Variants in IQGAP1 observed in about 807,000 individuals in gnomAD.
IQGAP1 encodes IQ motif containing GTPase activating protein 1.
Under a neutral mutation model 215.6 loss-of-function variants are expected in IQGAP1, and 66 were observed. The observed-to-expected ratio is 0.31, with a 90% confidence interval of 0.25 to 0.38. IQGAP1 has a LOEUF of 0.38. IQGAP1 is among the 10% of genes least tolerant of loss of function. IQGAP1 has a pLI of 1.00. For synonymous variants in IQGAP1, 772 were observed against 728.7 expected (o/e 1.06, Z -0.96); for missense variants, 1,712 against 1,997.1 (o/e 0.86, Z 2.72).
rs1399987395 is a variant in IQGAP1, at chr15:90,497,221, T to TC, written c.4752-10dup. The TC allele has an allele frequency of 7.1e-7, 1 of 1,415,562 alleles. No homozygotes were observed. The highest frequency in any genetic ancestry group is 1.7e-5 in the Admixed American group (1 of 57,916). The allele number at this position is 1,415,562 out of a possible 1,614,324, so 87.7% of individuals were successfully genotyped here. Reference sequence around the variant, plus strand: ...TAAAAACCATACCCTTACGATGTTATCTTTCAACAGGTTTAAAAATGTTAT... The same window carrying TC: ...TAAAAACCATACCCTTACGATGTTATCCTTTCAACAGGTTTAAAAATGTTAT... On this transcript the variant is annotated splice_polypyrimidine_tract_variant and intron_variant, in intron 36 of 37. Coordinates refer to ENST00000268182, the MANE Select transcript of IQGAP1 (RefSeq NM_003870.4).
intron 18 of IQGAP1, among the ~76,000 whole-genome samples, chr15:90,471,057 G>A (rs907091160): frequency 4.6e-5 from 7 of 152,004 alleles, no homozygotes; most frequent in African/African-American, 1.7e-4. Flanking sequence ...ACCTCCAGAC[G>A]TTAGCCCTTT....
intron 2 of IQGAP1, among the ~76,000 whole-genome samples, chr15:90,395,321 G>GT (rs1408159134): frequency 6.9e-5 from 10 of 145,568 alleles, no homozygotes; most frequent in South Asian, 4.4e-4. Flanking sequence ...GGTTTTTTTT[G>GT]TTTTTTTGTT....
intron 2 of IQGAP1, among the ~76,000 whole-genome samples, chr15:90,402,211 C>G (rs2601198): frequency 0.19 from 29,164 of 152,152 alleles, 3,487 homozygotes; most frequent in East Asian, 0.45. Flanking sequence ...TTGTTGGACC[C>G]TTCCTAATTG....
In IQGAP1 at chr15:90,477,780, C is replaced by T; in HGVS notation, c.3220C>T (p.Pro1074Ser). The change falls in exon 26 of 38, where the codon CCA (proline) becomes TCA (serine). Residue 1074 changes from proline to serine, a missense_variant. Coordinates refer to ENST00000268182, the MANE Select transcript of IQGAP1 (RefSeq NM_003870.4). ...GQNALRQILA[P>S]VVKEIMDDKS... ...GAATGCCCTGAGACAGATCTTGGCC[C>T]CAGTCGTGAAGGAAATTATGGATGA... 1.2e-6 allele frequency: 2 copies of T among 1,613,694 alleles called. No individual in the cohort carries two copies. Among genetic ancestry groups the T allele is most frequent in the Non-Finnish European group, 1.7e-6 (2 of 1,179,758 alleles).
chr15:90,458,153 C>T (rs891672708), intron 15 of IQGAP1, among the ~76,000 whole-genome samples: 1 of 152,224 alleles, frequency 6.6e-6, no homozygotes, highest in Non-Finnish European at 1.5e-5. Context: ...TCGTTTGTGA[C>T]TGGCTTCTTT....
chr15:90,446,741 C>T (rs1965532391), intron 9 of IQGAP1, among the ~76,000 whole-genome samples: 1 of 152,002 alleles, frequency 6.6e-6, no homozygotes, highest in African/African-American at 2.4e-5. Context: ...TTGATGCTGC[C>T]CCAGGAGAAA....
At chr15:90,462,966 T>C (rs897612714) in intron 15 of IQGAP1, among the ~76,000 whole-genome samples, 2 of 152,212 alleles carry the variant, frequency 1.3e-5, no homozygotes, top group African/African-American at 2.4e-5. Flanking sequence ...AGGTAATCTC[T>C]TTAAAACAAA....
chr15:90,488,915 A>G (rs969321113), intron 33 of IQGAP1, among the ~76,000 whole-genome samples: 2 of 152,156 alleles, frequency 1.3e-5, no homozygotes, highest in African/African-American at 2.4e-5. Flanking sequence ...CACAAACTAG[A>G]TGGGAATTTG....
intron 8 of IQGAP1, among the ~76,000 whole-genome samples, chr15:90,442,992 CT>C (rs1444050890): frequency 2.0e-5 from 3 of 151,962 alleles, no homozygotes; most frequent in Non-Finnish European, 4.4e-5. Flanking sequence ...CAGAATCTCG[CT>C]CAGTCACCTA....
chr15:90,435,880 T>C (rs1965364287), intron 5 of IQGAP1, among the ~76,000 whole-genome samples: 1 of 152,102 alleles, frequency 6.6e-6, no homozygotes, highest in Non-Finnish European at 1.5e-5. Flanking sequence ...TCCTGAAGGG[T>C]GGATTGGCAA....
chr15:90,430,846 A>G (rs1233740334), intron 4 of IQGAP1, among the ~76,000 whole-genome samples: 1 of 150,866 alleles, frequency 6.6e-6, no homozygotes, highest in African/African-American at 2.4e-5. Flanking sequence ...TTTGTTCAAT[A>G]TAGAAATATT....
At chr15:90,470,465 C>G (rs1041442182) in intron 18 of IQGAP1, among the ~76,000 whole-genome samples, 1 of 152,168 alleles carries the variant, frequency 6.6e-6, no homozygotes, top group Non-Finnish European at 1.5e-5. Flanking sequence ...TTCTGACAAG[C>G]TTTCAGGTGA....
chr15:90,437,069 A>G lies in IQGAP1; in HGVS notation c.468-2263A>G, dbSNP rs370684040. 3.0e-5 allele frequency among the ~76,000 whole-genome samples: 4 copies of G among 135,234 alleles called. No homozygotes were observed. The East Asian group carries it at 6.3e-4, about 21-fold the overall frequency. 88.7% of individuals were successfully genotyped at this position (135,234 alleles called of 152,430 possible). ...TGGCTTAAGGTTCCACAGCCTGTAC[A>G]AGAAGCATGGCTGGGGAGACCTCCT... On this transcript the variant is annotated intron_variant, in intron 5 of 37. Transcript: ENST00000268182.
intron 37 of IQGAP1, among the ~76,000 whole-genome samples, chr15:90,497,595 G>T (rs1966289299): frequency 6.6e-6 from 1 of 152,212 alleles, no homozygotes; most frequent in Non-Finnish European, 1.5e-5. Flanking sequence ...ACTAAATCGA[G>T]CTGACACCTT....
At chr15:90,473,582 C>G (rs960088879) in intron 19 of IQGAP1, 133 bp from the exon 20 acceptor site, 1 of 644,764 alleles carries the variant, frequency 1.6e-6, no homozygotes, top group African/African-American at 1.8e-5. Flanking sequence ...TCCCCTGTCA[C>G]TGCTGGAAGT....
chr15:90,401,016 G>A (rs1337417111), intron 2 of IQGAP1, among the ~76,000 whole-genome samples: 1 of 152,230 alleles, frequency 6.6e-6, no homozygotes, highest in Non-Finnish European at 1.5e-5. Context: ...GGTAGGCAAA[G>A]TGAGAACATC....
chr15:90,428,610 G>T (rs1172394455), intron 3 of IQGAP1, among the ~76,000 whole-genome samples: 1 of 151,928 alleles, frequency 6.6e-6, no homozygotes, highest in African/African-American at 2.4e-5. Flanking sequence ...TGAAACCTCC[G>T]CTCTACAAAA....
chr15:90,448,611 C>A lies in IQGAP1; in HGVS notation c.952C>A (p.Gln318Lys). Reference protein sequence around the residue: ...ALANIDLALEQGDALALFRAL... With the variant: ...ALANIDLALEKGDALALFRAL... ...AGCAAATATCGACCTGGCTTTAGAACAAGGAGATGCACTGGCCTTGTTCAG... is the reference window on the plus strand; with the variant it reads ...AGCAAATATCGACCTGGCTTTAGAAAAAGGAGATGCACTGGCCTTGTTCAG... Residue 318 changes from glutamine (Q) to lysine (K), a missense_variant, in exon 10 of 38, where the codon CAA becomes AAA. Physicochemically the swap from Gln to Lys is moderately conservative, Grantham distance 53. This residue lies in a region of IQGAP1 where 1,021 missense variants were observed against 1,074.2 expected (regional missense o/e 0.95). Coordinates refer to ENST00000268182, the MANE Select transcript of IQGAP1 (RefSeq NM_003870.4). 6.2e-7 allele frequency: 1 copy of A among 1,601,580 alleles called. No homozygotes were observed. The highest frequency in any genetic ancestry group is 8.5e-7 in the Non-Finnish European group (1 of 1,174,724).
intron 29 of IQGAP1, 152 bp downstream of exon 29, chr15:90,483,745 A>G: frequency 3.2e-6 from 2 of 617,660 alleles, no homozygotes; most frequent in Non-Finnish European, 5.7e-6. Flanking sequence ...AAGATGATCC[A>G]TTTACTTTGA....
Sources: allele counts gnomAD v4.1 joint callset (sites outside exome capture counted in the v4.1 genomes callset), GRCh38; gene constraint gnomAD v4.1.1; regional missense constraint gnomAD v4.1.1; transcripts MANE v1.5; gene names NCBI Gene and HGNC (gene_info 2026-07-23, HGNC 2026-07-21).